CEACAM20: variants seen among roughly 807,000 people sequenced by gnomAD.
CEACAM20 encodes the protein cell adhesion molecule CEACAM20.
A neutral mutation model predicts 61.2 loss-of-function variants in CEACAM20; 50 were observed. That is an observed-to-expected ratio of 0.82 (90% CI 0.65 to 1.03). The LOEUF (loss-of-function observed/expected upper bound fraction) is 1.03. CEACAM20 is among the 50% of genes least tolerant of loss of function. The pLI is 0.00. For synonymous variants in CEACAM20, 282 were observed against 287.7 expected (o/e 0.98, Z 0.20); for missense variants, 683 against 736.4 (o/e 0.93, Z 0.84).
At chr19:44,520,038 GC>G (rs1346101485) in intron 5 of CEACAM20, among the ~76,000 whole-genome samples, 2 of 152,252 alleles carry the variant, frequency 1.3e-5, no homozygotes, top group East Asian at 3.9e-4. Context: ...GGCTCTCCCA[GC>G]CTCCCTGCAG....
Position 44,522,864 on chromosome 19 carries a change from C to T in CEACAM20, c.521G>A (p.Gly174Glu), listed in dbSNP as rs746713334. The T allele has an allele frequency of 1.2e-6, 2 of 1,609,012 alleles. No homozygotes were observed. The highest frequency in any genetic ancestry group is 8.5e-7 in the Non-Finnish European group (1 of 1,178,064). Residue 174 changes from glycine (G) to glutamate (E), a missense_variant, in exon 4 of 12, where the codon GGG becomes GAG. By Grantham distance (98) the Gly-to-Glu change is moderately conservative. Coordinates refer to ENST00000614924, the MANE Select transcript of CEACAM20 (RefSeq NM_001102597.3). The part of the protein sequence containing the change: ...EIKLESGVAS[G>E]EVVEVMEGSS... ...GCCCTCCATCACCTCAACCACCTCC[C>T]CACTGGCAACACCAGACTCCAATTT...
intron 6 of CEACAM20, 103 bp from the exon 7 acceptor site, chr19:44,513,392 G>T: frequency 2.8e-6 from 2 of 703,398 alleles, no homozygotes; most frequent in Non-Finnish European, 4.7e-6. Context: ...CATTTTGTGA[G>T]CACTTGTTTT....
intron 1 of CEACAM20, among the ~76,000 whole-genome samples, chr19:44,525,881 T>A (rs1263607433): frequency 6.6e-6 from 1 of 152,228 alleles, no homozygotes; most frequent in African/African-American, 2.4e-5. Context: ...GTCACTGTGT[T>A]CTCTCCAATG....
chr19:44,529,036 G>C (rs1057455537), intron 1 of CEACAM20, among the ~76,000 whole-genome samples: 2 of 137,336 alleles, frequency 1.5e-5, no homozygotes, highest in Non-Finnish European at 3.0e-5. Context: ...TCAGCTCACT[G>C]CAGCTTCCAC....
Position 44,512,964 on chromosome 19 carries a change from A to G in CEACAM20, c.1428-11T>C, listed in dbSNP as rs769582901. On this transcript the variant is annotated splice_polypyrimidine_tract_variant and intron_variant, in intron 7 of 11. Transcript: ENST00000614924. ...GTTTTCCTTGAGGGCCTGAAACCCC[A>G]AAGCCCTCATTATTCTGTGCCTCTA... 1.1e-5 allele frequency: 18 copies of G among 1,604,576 alleles called. No individual in the cohort carries two copies. In the Middle Eastern group the frequency reaches 6.6e-4, roughly 59 times the overall value.
At chr19:44,515,075 T>G (rs944569465) in intron 6 of CEACAM20, among the ~76,000 whole-genome samples, 2 of 152,148 alleles carry the variant, frequency 1.3e-5, no homozygotes, top group Non-Finnish European at 2.9e-5. Flanking sequence ...TGACCATATG[T>G]GATCCACCTG....
chr19:44,513,533 T>A lies in CEACAM20; in HGVS notation c.1310-244A>T, dbSNP rs531635204. Among the ~76,000 whole-genome samples the A allele has an allele frequency of 4.7e-5, 7 of 147,444 alleles. No individual in the cohort carries two copies. In the East Asian group the frequency reaches 1.5e-3, roughly 31 times the overall value. ...ACCTCAGCTCACTGCAACCTCCAGG[T>A]TCAAGTGATCCTCCCACCTCAGCCT... On this transcript the variant is annotated intron_variant, in intron 6 of 11. Coordinates refer to ENST00000614924, the MANE Select transcript of CEACAM20 (RefSeq NM_001102597.3).
Position 44,522,924 on chromosome 19 carries a change from G to A in CEACAM20, c.473-12C>T, listed in dbSNP as rs140913297. On this transcript the variant is annotated splice_polypyrimidine_tract_variant and intron_variant, in intron 3 of 11. Transcript: ENST00000614924. ...AGGATCAGGACCATCTGAGAGGACA[G>A]GAACAATTACAGCAGTAACAACAGC... 3.0e-4 allele frequency: 477 copies of A among 1,592,450 alleles called. No homozygotes were observed. Among genetic ancestry groups the A allele is most frequent in the Non-Finnish European group, 4.0e-4 (465 of 1,169,350 alleles).
intron 1 of CEACAM20, 104 bp downstream of exon 1, chr19:44,529,354 G>GCACA (rs71940010): frequency 0.012 from 7,643 of 659,020 alleles, 23 homozygotes; most frequent in African/African-American, 0.021. Context: ...TTCCTCGAGT[G>GCACA]CACACACACA....
intron 1 of CEACAM20, among the ~76,000 whole-genome samples, chr19:44,529,213 C>G (rs879367910): frequency 6.6e-6 from 1 of 152,028 alleles, no homozygotes; most frequent in Non-Finnish European, 1.5e-5. Flanking sequence ...GATCCACCCA[C>G]CTCGGCCTCC....
Position 44,513,250 on chromosome 19 carries a change from C to T in CEACAM20, c.1349G>A (p.Gly450Asp), listed in dbSNP as rs890740554. The T allele has an allele frequency of 2.5e-6, 4 of 1,613,846 alleles. No individual in the cohort carries two copies. The highest frequency in any genetic ancestry group is 1.7e-5 in the Admixed American group (1 of 60,014). ...GACAGCCAGGATCCCGATGACAATA[C>T]CAGCGATGGCCCCTGAGGACAGGGA... Reference protein sequence around the residue: ...SSSLSSGAIAGIVIGILAVIA... With the variant: ...SSSLSSGAIADIVIGILAVIA... The change falls in exon 7 of 12, where the codon GGT becomes GAT. Residue 450 changes from glycine (G) to aspartate (D), a missense_variant. Physicochemically the swap from Gly to Asp is moderately conservative, Grantham distance 94 (BLOSUM62 -1). Coordinates refer to ENST00000614924, the MANE Select transcript of CEACAM20 (RefSeq NM_001102597.3).
rs183954981 is a variant in CEACAM20, at chr19:44,526,598, C to T, written c.53-1354G>A. 5.5e-4 allele frequency among the ~76,000 whole-genome samples: 84 copies of T among 151,796 alleles called. 1 individual carries two copies. The highest frequency in any genetic ancestry group is 3.4e-3 in the Middle Eastern group (1 of 290). On this transcript the variant is annotated intron_variant, in intron 1 of 11. Transcript: ENST00000614924. ...CGGGGGCTGCAAGAGACTATGGGACCTGGCGCGGTGGCTCATGCTTGTAAT... is the reference window on the plus strand; with the variant it reads ...CGGGGGCTGCAAGAGACTATGGGACTTGGCGCGGTGGCTCATGCTTGTAAT...
chr19:44,522,577 T>G, intron 4 of CEACAM20, 57 bp downstream of exon 4: 1 of 1,566,442 alleles, frequency 6.4e-7, no homozygotes, highest in South Asian at 1.2e-5. Flanking sequence ...CCTTCTGACA[T>G]GGCCAGCATC....
At chr19:44,526,271 G>A (rs1376596880) in intron 1 of CEACAM20, among the ~76,000 whole-genome samples, 1 of 152,158 alleles carries the variant, frequency 6.6e-6, no homozygotes, top group Non-Finnish European at 1.5e-5. Flanking sequence ...GACTTTGGGA[G>A]GCTGAAGTGG....
chr19:44,520,396 T>C, intron 5 of CEACAM20, 78 bp downstream of exon 5: 1 of 1,534,826 alleles, frequency 6.5e-7, no homozygotes, highest in South Asian at 1.2e-5. Context: ...AATCATAGCA[T>C]GAATGACTAG....
At chr19:44,516,085 GGTAA>G (rs1599671935) in intron 6 of CEACAM20, among the ~76,000 whole-genome samples, 1 of 151,944 alleles carries the variant, frequency 6.6e-6, no homozygotes, top group Admixed American at 6.6e-5. Context: ...GCCCAGAGAG[GGTAA>G]GTAACTTGTC....
Position 44,517,116 on chromosome 19 carries a change from T to A in CEACAM20, c.1139A>T (p.Lys380Met). Residue 380 changes from lysine to methionine, a missense_variant, in exon 6 of 12, where the codon AAG (lysine) becomes ATG (methionine). Coordinates refer to ENST00000614924, the MANE Select transcript of CEACAM20 (RefSeq NM_001102597.3). ...AGTCCAGCGATACTCAGCACCTGGC[T>A]TGGACTCGGCCCAACACTGCAGGGT... ...SLTLQCWAES[K>M]PGAEYRWTLE... 6.2e-7 allele frequency: 1 copy of A among 1,613,308 alleles called. No individual in the cohort carries two copies. The highest frequency in any genetic ancestry group is 8.5e-7 in the Non-Finnish European group (1 of 1,179,702).
chr19:44,510,569 A>G (rs1274351452), intron 11 of CEACAM20, among the ~76,000 whole-genome samples: 2 of 46,088 alleles, frequency 4.3e-5, no homozygotes, highest in African/African-American at 2.3e-4. Flanking sequence ...AGAAAGAAAG[A>G]AAGAAAGAAA....
At chr19:44,521,444 G>C (rs1006847856) in intron 4 of CEACAM20, among the ~76,000 whole-genome samples, 11 of 151,930 alleles carry the variant, frequency 7.2e-5, no homozygotes, top group Non-Finnish European at 1.5e-4. Context: ...GATCTTGTTT[G>C]TTGTGTAGAT....
Sources: gnomAD v4.1 joint callset for allele counts (sites outside exome capture counted in the v4.1 genomes callset) on GRCh38, gnomAD v4.1.1 for gene constraint, MANE v1.5 for transcripts, NCBI Gene and HGNC (gene_info 2026-07-23, HGNC 2026-07-21) for gene names.